The following SNRPG variants were observed in gnomAD, a reference collection of about 807,000 sequenced individuals.
SNRPG encodes the protein small nuclear ribonucleoprotein G.
A neutral mutation model predicts 13.9 loss-of-function variants in SNRPG; 3 were observed. That is an observed-to-expected ratio of 0.22 (90% CI 0.10 to 0.56). The LOEUF (loss-of-function observed/expected upper bound fraction) is 0.56, where lower values mean the gene tolerates loss of function less well. SNRPG is among the 20% of genes least tolerant of loss of function. The probability of loss-of-function intolerance (pLI) is 0.93; values close to 1 mark genes in which losing one functional copy is unlikely to be tolerated. For missense variants in SNRPG, 34 were observed against 96.1 expected, an observed-to-expected ratio of 0.35 and a Z score of 2.70; for synonymous variants, 29 against 29.3, an observed-to-expected ratio of 0.99 and a Z score of 0.03.
chr2:70,293,237 CCTT>C lies in SNRPG; in HGVS notation c.32+378_32+380del. On this transcript the variant is annotated intron_variant, in intron 1 of 3. Transcript: ENST00000272348. The stretch of plus-strand genomic sequence containing the variant: ...AACACTTCCTTCCCTTCCAGCCCCT[CCTT>C]AGTTCCTTCAGAGAATTTCCCCCTC... 4 of 702,134 alleles carry C rather than the reference CCTT, an allele frequency of 5.7e-6. No individual in the cohort carries two copies. The South Asian group carries it at 5.9e-5, about 10-fold the overall frequency. The allele number at this position is 702,134 out of a possible 1,614,324, so 43.5% of individuals were successfully genotyped here.
intron 1 of SNRPG, chr2:70,292,745 C>T (rs1460757214): frequency 5.5e-6 from 1 of 180,656 alleles, no homozygotes. Flanking sequence ...CATGCTACGC[C>T]AGAAAAAACT....
chr2:70,290,390 A>C (rs1205522237), intron 1 of SNRPG, among the ~76,000 whole-genome samples: 1 of 152,164 alleles, frequency 6.6e-6, no homozygotes, highest in Non-Finnish European at 1.5e-5. Flanking sequence ...ATAAATGCAC[A>C]TTTGAAACTT....
intron 1 of SNRPG, among the ~76,000 whole-genome samples, chr2:70,291,015 AC>A (rs1697078194): frequency 3.2e-4 from 1 of 3,090 alleles, no homozygotes; most frequent in Admixed American, 3.0e-3. Context: ...CCATCTCAAA[AC>A]ACACACACAC....
In SNRPG at chr2:70,288,100, T is replaced by C. The variant is rs1457955347; in HGVS notation, c.148A>G (p.Thr50Ala). ...CCAATATTGTTCTGTTGTCCACTAG[T>C]CGCCATCTCCACACATTCATCTATC... ...LVIDECVEMA[T>A]SGQQNNIGMV... Residue 50 changes from threonine (T) to alanine (A), a missense_variant, in exon 3 of 4, where the codon ACT (threonine) becomes GCT (alanine). Coordinates refer to ENST00000272348, the MANE Select transcript of SNRPG (RefSeq NM_003096.4). 1 of 1,611,524 alleles carries C rather than the reference T, an allele frequency of 6.2e-7. No individual in the cohort carries two copies. The highest frequency in any genetic ancestry group is 8.5e-7 in the Non-Finnish European group (1 of 1,178,956).
chr2:70,290,081 T>C (rs1329926735), intron 1 of SNRPG, among the ~76,000 whole-genome samples: 1 of 149,218 alleles, frequency 6.7e-6, no homozygotes. Flanking sequence ...CCTCGAAAAA[T>C]ATACTCCCCC....
Position 70,287,451 on chromosome 2 carries a change from T to C in SNRPG, c.180+617A>G, listed in dbSNP as rs996142669. ...ATCACTAAAACTACGGCCCAATGAA[T>C]GTAGGAATGTTTAATCCTATGAGGG... On this transcript the variant is annotated intron_variant, in intron 3 of 3. Coordinates refer to ENST00000272348, the MANE Select transcript of SNRPG (RefSeq NM_003096.4). 3.9e-5 allele frequency: 25 copies of C among 639,320 alleles called. No homozygotes were observed. In the South Asian group the frequency reaches 3.9e-4, roughly 10 times the overall value. The allele number at this position is 639,320 out of a possible 1,614,324, so 39.6% of individuals were successfully genotyped here. A position where few individuals can be genotyped will look rare whatever the true frequency, so the allele number is the denominator to read the frequency against.
rs1222621188 is a variant in SNRPG, at chr2:70,283,114, A to C, written c.181-1430T>G. Among the ~76,000 whole-genome samples, 143 of 147,982 alleles carry C rather than the reference A, an allele frequency of 9.7e-4. 8 individuals carry two copies. Among genetic ancestry groups the C allele is most frequent in the African/African-American group, 2.1e-3 (82 of 39,606 alleles). ...CTTTTGTCAAAAAAAAAAAAAAAAAAAAAAAAAAAACAACAAACCAAAACC... is the reference window on the plus strand; with the variant it reads ...CTTTTGTCAAAAAAAAAAAAAAAAACAAAAAAAAAACAACAAACCAAAACC... On this transcript the variant is annotated intron_variant, in intron 3 of 3. Coordinates refer to ENST00000272348, the MANE Select transcript of SNRPG (RefSeq NM_003096.4).
intron 3 of SNRPG, among the ~76,000 whole-genome samples, chr2:70,283,816 T>C (rs903595954): frequency 6.6e-6 from 1 of 152,208 alleles, no homozygotes; most frequent in Non-Finnish European, 1.5e-5. Context: ...CTCAGCATTT[T>C]GAGAGGCCCA....
intron 3 of SNRPG, chr2:70,287,146 G>A (rs765770365): frequency 5.1e-6 from 3 of 591,404 alleles, no homozygotes; most frequent in South Asian, 4.2e-5. Flanking sequence ...ACCTTGGAAA[G>A]AATGGTATGT....
At chr2:70,283,110 AAAAAAAAAAAAAAAC>A (rs1156780742) in intron 3 of SNRPG, among the ~76,000 whole-genome samples, 4 of 147,680 alleles carry the variant, frequency 2.7e-5, no homozygotes, top group African/African-American at 7.5e-5. Flanking sequence ...AAAAAAAAAA[AAAAAAAAAAAAAAAC>A]AACAAACCAA....
chr2:70,285,617 G>T (rs1312205730), intron 3 of SNRPG, among the ~76,000 whole-genome samples: 5 of 151,992 alleles, frequency 3.3e-5, no homozygotes, highest in Non-Finnish European at 7.4e-5. Flanking sequence ...TGTGCATAGG[G>T]TTCACTACTA....
chr2:70,283,118 A>AC (rs1559041596), intron 3 of SNRPG, among the ~76,000 whole-genome samples: 5 of 148,818 alleles, frequency 3.4e-5, no homozygotes, highest in African/African-American at 7.5e-5. Context: ...AAAAAAAAAA[A>AC]AAAAAACAAC....
Position 70,288,200 on chromosome 2 carries a change from A to G in SNRPG, c.56-8T>C. 5 of 1,610,926 alleles carry G rather than the reference A, an allele frequency of 3.1e-6. No individual in the cohort carries two copies. In the Middle Eastern group the frequency reaches 8.3e-4, roughly 267 times the overall value. On this transcript the variant is annotated splice_polypyrimidine_tract_variant and splice_region_variant and intron_variant, in intron 2 of 3. Coordinates refer to ENST00000272348, the MANE Select transcript of SNRPG (RefSeq NM_003096.4). ...TGCCACCATTTAATTTCACTATTAA[A>G]AAGAGAAAAAGAAGTTTTAGAAAAA...
At chr2:70,284,620 G>C (rs1449624187) in intron 3 of SNRPG, among the ~76,000 whole-genome samples, 1 of 152,140 alleles carries the variant, frequency 6.6e-6, no homozygotes, top group African/African-American at 2.4e-5. Context: ...CTAGTCTCAA[G>C]TGATCCTCCT....
At chr2:70,284,993 T>A (rs1478801868) in intron 3 of SNRPG, among the ~76,000 whole-genome samples, 1 of 152,174 alleles carries the variant, frequency 6.6e-6, no homozygotes, top group Non-Finnish European at 1.5e-5. Context: ...TTGTCTAGCA[T>A]CTCCATGCTG....
rs1696986400 is a variant in SNRPG at position 70,288,065 on chromosome 2, T to C, written c.180+3A>G. ...CCAAGAGAACTCTTGTATCTTTACT[T>C]ACCACCATTCCAATATTGTTCTGTT... On this transcript the variant is annotated splice_donor_region_variant and intron_variant, in intron 3 of 3. Transcript: ENST00000272348. 6.2e-7 allele frequency: 1 copy of C among 1,611,216 alleles called. No homozygotes were observed. Among genetic ancestry groups the C allele is most frequent in the Admixed American group, 1.7e-5 (1 of 59,992 alleles).
At position 70,282,186 on chromosome 2, in the gene SNRPG, G is replaced by A. The variant is rs370341587; in HGVS notation, c.181-502C>T. ...TTGCCTCAGCCTCACAAAGTGCTGGGATTACAGGCGTGAGCTACTACGCCT... is the reference window on the plus strand; with the variant it reads ...TTGCCTCAGCCTCACAAAGTGCTGGAATTACAGGCGTGAGCTACTACGCCT... On this transcript the variant is annotated intron_variant, in intron 3 of 3. Transcript: ENST00000272348. Among the ~76,000 whole-genome samples, 3 of 152,122 alleles carry A rather than the reference G, an allele frequency of 2.0e-5. No homozygotes were observed. In the South Asian group the frequency reaches 6.2e-4, roughly 31 times the overall value.
chr2:70,286,145 C>G (rs943230919), intron 3 of SNRPG, among the ~76,000 whole-genome samples: 7 of 152,154 alleles, frequency 4.6e-5, no homozygotes, highest in African/African-American at 1.7e-4. Context: ...CCAGGCTGAT[C>G]TCAAACTCCT....
chr2:70,285,696 T>C (rs1347986980), intron 3 of SNRPG, among the ~76,000 whole-genome samples: 2 of 152,192 alleles, frequency 1.3e-5, no homozygotes, highest in Non-Finnish European at 2.9e-5. Context: ...CTTTTGCCAC[T>C]GTGTTTGAGG....
Sources: gnomAD v4.1 joint callset for allele counts (sites outside exome capture counted in the v4.1 genomes callset) on GRCh38, gnomAD v4.1.1 for gene constraint, MANE v1.5 for transcripts, NCBI Gene and HGNC (gene_info 2026-07-23, HGNC 2026-07-21) for gene names.